Variants in NUP153 observed in about 807,000 individuals in gnomAD.
The protein encoded by NUP153 is nuclear pore complex protein Nup153.
In NUP153, 27 loss-of-function variants were observed where a neutral mutation model predicts 134.6. The ratio of observed to expected loss-of-function variants is 0.20; its 90% CI spans 0.15 to 0.28. NUP153 has a LOEUF of 0.28. NUP153 is among the 10% of genes least tolerant of loss of function. NUP153 has a pLI of 1.00. For synonymous variants in NUP153, 640 were observed against 623.5 expected (o/e 1.03, Z -0.40); for missense variants, 1,821 against 1,731.3 (o/e 1.05, Z -0.92).
At chr6:17,672,625 G>A (rs1561893429) in intron 5 of NUP153, among the ~76,000 whole-genome samples, 1 of 151,998 alleles carries the variant, frequency 6.6e-6, no homozygotes, top group African/African-American at 2.4e-5. Context: ...AATGAACAAA[G>A]AACAGTCTTT....
Position 17,637,464 on chromosome 6 carries a change from T to G in NUP153, c.2153A>C (p.Lys718Thr). ...CCAAGTGCCTATCACTGGTTTAAAT[T>G]TGTCTCCAAAGCCTGTCCCTGATGC... ...LSASGTGFGD[K>T]FKPVIGTWDC... is the part of the protein sequence containing the mutation. The change falls in exon 16 of 22, where the codon AAA becomes ACA. Residue 718 changes from lysine to threonine, a missense_variant. Lys to Thr is a moderately conservative substitution (Grantham distance 78). Coordinates refer to ENST00000262077, the MANE Select transcript of NUP153 (RefSeq NM_005124.4). 1 of 1,614,240 alleles carries G rather than the reference T, an allele frequency of 6.2e-7. No individual in the cohort carries two copies. Among genetic ancestry groups the G allele is most frequent in the South Asian group, 1.1e-5 (1 of 91,082 alleles).
chr6:17,623,889 G>A (rs1192118215), intron 20 of NUP153, among the ~76,000 whole-genome samples: 1 of 152,084 alleles, frequency 6.6e-6, no homozygotes, highest in Non-Finnish European at 1.5e-5. Context: ...AAAAGACAAG[G>A]CGGTGGTCAT....
intron 1 of NUP153, among the ~76,000 whole-genome samples, chr6:17,695,393 A>T (rs890909563): frequency 3.3e-5 from 5 of 152,226 alleles, no homozygotes; most frequent in Admixed American, 2.6e-4. Context: ...TCAAAAACTC[A>T]GTGACCTGTT....
chr6:17,666,661 T>G (rs754543239), intron 8 of NUP153, among the ~76,000 whole-genome samples: 2 of 152,210 alleles, frequency 1.3e-5, no homozygotes, highest in Non-Finnish European at 2.9e-5. Flanking sequence ...TAAATCACTG[T>G]TAAGACTTCC....
At chr6:17,685,103 T>TA (rs776918941) in intron 2 of NUP153, among the ~76,000 whole-genome samples, 1 of 152,194 alleles carries the variant, frequency 6.6e-6, no homozygotes, top group Non-Finnish European at 1.5e-5. Flanking sequence ...ACTCAATTTG[T>TA]AAAAAATGCA....
At chr6:17,686,964 T>C (rs1479883221) in intron 2 of NUP153, among the ~76,000 whole-genome samples, 1 of 151,980 alleles carries the variant, frequency 6.6e-6, no homozygotes, top group Non-Finnish European at 1.5e-5. Flanking sequence ...TTAAAAATTT[T>C]CCATAATAAA....
intron 17 of NUP153, among the ~76,000 whole-genome samples, chr6:17,631,024 G>A (rs1201672437): frequency 6.6e-6 from 1 of 152,132 alleles, no homozygotes; most frequent in Non-Finnish European, 1.5e-5. Context: ...TGAATTAACA[G>A]CTACAGAAAG....
intron 2 of NUP153, among the ~76,000 whole-genome samples, chr6:17,682,024 A>G (rs1354516776): frequency 6.6e-6 from 1 of 151,902 alleles, no homozygotes; most frequent in Non-Finnish European, 1.5e-5. Context: ...CCTGGGCAAC[A>G]CAGTGAGGCC....
chr6:17,675,864 T>C lies in NUP153; in HGVS notation c.335-94A>G. The C allele has an allele frequency of 8.4e-7, 1 of 1,184,886 alleles. No homozygotes were observed. 73.4% of individuals were successfully genotyped at this position (1,184,886 alleles called of 1,614,324 possible). A position where few individuals can be genotyped will look rare whatever the true frequency, so the allele number is the denominator to read the frequency against. ...CTTTAAGAAAACACATTACAGTATA[T>C]AATAGCTTCAATTCAAATCACTGGG... On this transcript the variant is annotated intron_variant, in intron 2 of 21. Transcript: ENST00000262077. This position sits in a 1 kb window ranked among gnomAD's most constrained non-coding sequence, Gnocchi z 4.4.
intron 14 of NUP153, among the ~76,000 whole-genome samples, chr6:17,641,233 A>G (rs1765818522): frequency 6.6e-6 from 1 of 152,082 alleles, no homozygotes; most frequent in South Asian, 2.1e-4. Context: ...GGAACAAAAG[A>G]AACAATAAGA....
At position 17,625,813 on chromosome 6, in the gene NUP153, G is replaced by C. The variant is rs775294839; in HGVS notation, c.3896C>G (p.Ser1299Cys). 9 of 1,611,284 alleles carry C rather than the reference G, an allele frequency of 5.6e-6. No individual in the cohort carries two copies. Among genetic ancestry groups the C allele is most frequent in the Non-Finnish European group, 7.6e-6 (9 of 1,177,478 alleles). ...TTTTTCTTTTGTAAATGTACCTGCAGAGCTAGATGTGGTTGTGGCTCCAAA... is the reference window on the plus strand; with the variant it reads ...TTTTTCTTTTGTAAATGTACCTGCACAGCTAGATGTGGTTGTGGCTCCAAA... ...FGFGATTTSSSAGSSFVFGTG... is the reference protein window; with the variant it reads ...FGFGATTTSSCAGSSFVFGTG... Residue 1299 changes from serine (S) to cysteine (C), a missense_variant, in exon 19 of 22, where the codon TCT (serine) becomes TGT (cysteine). Coordinates refer to ENST00000262077, the MANE Select transcript of NUP153 (RefSeq NM_005124.4). The surrounding 1 kb of genome is among the most constrained non-coding windows in gnomAD (Gnocchi z 4.7).
At chr6:17,686,420 C>T (rs1301270485) in intron 2 of NUP153, among the ~76,000 whole-genome samples, 14 of 149,342 alleles carry the variant, frequency 9.4e-5, no homozygotes, top group Admixed American at 2.0e-4. Flanking sequence ...TTTTTTGAGA[C>T]GGAGTCTCGC....
At position 17,632,713 on chromosome 6, in the gene NUP153, C is replaced by A. The variant is rs780602202; in HGVS notation, c.2596G>T (p.Ala866Ser). ...CATGCCAAACATTTGGTAGAGTCTG[C>A]CTTATTCTGCACTAGGCACAATTCA... ...DCELCLVQNK[A>S]DSTKCLACES... is the part of the protein sequence containing the mutation. Residue 866 changes from alanine (A) to serine (S), a missense_variant, in exon 17 of 22, where the codon GCA becomes TCA. Coordinates refer to ENST00000262077, the MANE Select transcript of NUP153 (RefSeq NM_005124.4). The A allele has an allele frequency of 2.5e-6, 4 of 1,613,738 alleles. No homozygotes were observed. The African/African-American group carries it at 4.0e-5, about 16-fold the overall frequency.
chr6:17,645,042 G>A (rs547662805), intron 14 of NUP153, among the ~76,000 whole-genome samples: 98 of 151,924 alleles, frequency 6.5e-4, no homozygotes, highest in African/African-American at 2.0e-3. Flanking sequence ...CCAAGATTAC[G>A]CCACTGTACT....
rs1770479585 is a variant in NUP153, at chr6:17,706,169, T to C, written c.111+108A>G. The C allele has an allele frequency of 1.1e-6, 1 of 896,278 alleles. No individual in the cohort carries two copies. Among genetic ancestry groups the C allele is most frequent in the Non-Finnish European group, 1.8e-6 (1 of 563,434 alleles). The allele number at this position is 896,278 out of a possible 1,614,324, so 55.5% of individuals were successfully genotyped here. A position where few individuals can be genotyped will look rare whatever the true frequency, so the allele number is the denominator to read the frequency against. ...CCCGGAGCCTCACTCGGGCCTTTCC[T>C]CAGGCCCTCCTGTCTGCTCCACGTG... is the stretch of plus-strand genomic sequence containing the variant. On this transcript the variant is annotated intron_variant, in intron 1 of 21. Transcript: ENST00000262077. This position sits in a 1 kb window ranked among gnomAD's most constrained non-coding sequence, Gnocchi z 5.9.
chr6:17,640,675 G>A (rs1217754109), intron 14 of NUP153, among the ~76,000 whole-genome samples: 1 of 152,148 alleles, frequency 6.6e-6, no homozygotes, highest in African/African-American at 2.4e-5. Flanking sequence ...GGAGTACAGT[G>A]GTGCAATCAT....
intron 11 of NUP153, among the ~76,000 whole-genome samples, chr6:17,652,751 G>A (rs547814498): frequency 2.6e-5 from 4 of 152,162 alleles, no homozygotes; most frequent in East Asian, 1.9e-4. Context: ...GGCTGGGTGC[G>A]GTGGCTCATG....
intron 2 of NUP153, among the ~76,000 whole-genome samples, chr6:17,676,583 C>A (rs1221201812): frequency 6.6e-6 from 1 of 152,068 alleles, no homozygotes; most frequent in Non-Finnish European, 1.5e-5. Context: ...AAAGAGGCTT[C>A]CAGTTAGAAC....
chr6:17,643,784 C>T (rs1038382459), intron 14 of NUP153, among the ~76,000 whole-genome samples: 2 of 152,082 alleles, frequency 1.3e-5, no homozygotes, highest in African/African-American at 4.8e-5. Flanking sequence ...TAATCGACTC[C>T]TTAAAAATCT....
Sources: allele counts gnomAD v4.1 joint callset (sites outside exome capture counted in the v4.1 genomes callset), GRCh38; gene constraint gnomAD v4.1.1; non-coding constraint Gnocchi (gnomAD v3.1); transcripts MANE v1.5; gene names NCBI Gene and HGNC (gene_info 2026-07-23, HGNC 2026-07-21).